The following KCNG4 variants were observed in gnomAD, a reference collection of about 807,000 sequenced individuals.
The protein encoded by KCNG4 is potassium voltage-gated channel modifier subfamily G member 4.
In KCNG4, 30 loss-of-function variants were observed where a neutral mutation model predicts 28.2. The ratio of observed to expected loss-of-function variants is 1.06; its 90% CI spans 0.80 to 1.44. The LOEUF is 1.44. KCNG4 is among the 40% of genes most tolerant of loss of function. KCNG4 has a pLI of 0.00. For synonymous variants in KCNG4, 375 were observed against 315.5 expected (o/e 1.19, Z -2.00); for missense variants, 879 against 712.3 (o/e 1.23, Z -2.66).
chr16:84,233,908 A>G (rs1225732835), intron 2 of KCNG4, among the ~76,000 whole-genome samples: 1 of 152,170 alleles, frequency 6.6e-6, no homozygotes, highest in Non-Finnish European at 1.5e-5. Flanking sequence ...GAGCTTAAGA[A>G]AGTGATAAAA....
rs762133249 is a variant in KCNG4, at chr16:84,222,411, T to C, written c.1366A>G (p.Thr456Ala). ...MAFPATSIFH[T>A]FSHSYLELKK... ...AGCTCCAGGTAGGAGTGGGAGAAGGTGTGGAAGATAGACGTGGCCGGGAAG... is the reference window on the plus strand; with the variant it reads ...AGCTCCAGGTAGGAGTGGGAGAAGGCGTGGAAGATAGACGTGGCCGGGAAG... Residue 456 changes from threonine (T) to alanine (A), a missense_variant, in exon 3 of 3, where the codon ACC becomes GCC. Transcript: ENST00000308251. The C allele has an allele frequency of 2.7e-5, 44 of 1,613,586 alleles. 1 individual carries two copies. The highest frequency in any genetic ancestry group is 1.6e-4 in the Middle Eastern group (1 of 6,084).
intron 2 of KCNG4, among the ~76,000 whole-genome samples, chr16:84,227,315 G>A (rs562627531): frequency 5.3e-5 from 8 of 152,326 alleles, no homozygotes; most frequent in African/African-American, 1.7e-4. Context: ...GGTGGCTCAC[G>A]CCTGTAATCC....
chr16:84,236,526 T>G, intron 2 of KCNG4: 1 of 721,544 alleles, frequency 1.4e-6, no homozygotes, highest in Non-Finnish European at 2.2e-6. Flanking sequence ...ACTTTTGCCT[T>G]TGCAGGACTC....
chr16:84,233,721 AAGAG>A (rs1055291677), intron 2 of KCNG4, among the ~76,000 whole-genome samples: 4 of 152,062 alleles, frequency 2.6e-5, no homozygotes, highest in African/African-American at 9.7e-5. Context: ...TAAAAAAAGA[AAGAG>A]AGAGAGAAAG....
intron 2 of KCNG4, among the ~76,000 whole-genome samples, 199 bp from the exon 3 acceptor site, chr16:84,223,219 T>G (rs1041156843): frequency 2.6e-5 from 4 of 152,152 alleles, no homozygotes; most frequent in African/African-American, 4.8e-5. Context: ...TGGCTTCCCT[T>G]GCCGCTAGGT....
chr16:84,232,264 G>A (rs1307486344), intron 2 of KCNG4, among the ~76,000 whole-genome samples: 2 of 152,190 alleles, frequency 1.3e-5, no homozygotes, highest in African/African-American at 4.8e-5. Flanking sequence ...AGGAATGAAG[G>A]TCTGACGCAT....
chr16:84,230,670 G>A (rs1904807411), intron 2 of KCNG4, among the ~76,000 whole-genome samples: 1 of 152,216 alleles, frequency 6.6e-6, no homozygotes, highest in Non-Finnish European at 1.5e-5. Flanking sequence ...TGAGAGGGAA[G>A]GCGAGGACCA....
At chr16:84,231,550 C>A (rs1371401364) in intron 2 of KCNG4, among the ~76,000 whole-genome samples, 3 of 152,126 alleles carry the variant, frequency 2.0e-5, no homozygotes, top group African/African-American at 7.2e-5. Context: ...TGGGAAACTG[C>A]AGCAAACAGA....
At chr16:84,228,923 C>CAT (rs1904761020) in intron 2 of KCNG4, among the ~76,000 whole-genome samples, 12 of 152,238 alleles carry the variant, frequency 7.9e-5, no homozygotes, top group Admixed American at 4.6e-4. Context: ...TGATCCATCA[C>CAT]CGGCTCTCCA....
Position 84,219,726 on chromosome 16 carries a change from CA to C in KCNG4, c.*2490del, listed in dbSNP as rs35729682. The C allele has an allele frequency of 0.084, 7,486 of 88,618 alleles. 233 individuals are homozygous for C. Among genetic ancestry groups the C allele is most frequent in the African/African-American group, 0.091 (1,995 of 22,044 alleles). 5.5% of individuals were successfully genotyped at this position (88,618 alleles called of 1,614,324 possible). On this transcript the variant is annotated 3_prime_UTR_variant, in exon 3 of 3. Coordinates refer to ENST00000308251, the MANE Select transcript of KCNG4 (RefSeq NM_172347.3). ...TGGGTGACAGAGGGAGACTCTGTCT[CA>C]AAAAAAAAAAAAAAAAAAATGTTAG...
At chr16:84,239,511 C>G (rs1264034756) in intron 1 of KCNG4, among the ~76,000 whole-genome samples, 159 bp downstream of exon 1, 1 of 152,208 alleles carries the variant, frequency 6.6e-6, no homozygotes, top group African/African-American at 2.4e-5. Context: ...TTGCCATCTA[C>G]GGCTCTCCAA....
intron 2 of KCNG4, among the ~76,000 whole-genome samples, chr16:84,225,479 G>C (rs1161021108): frequency 6.6e-6 from 1 of 152,188 alleles, no homozygotes; most frequent in Non-Finnish European, 1.5e-5. Context: ...CAAACCTTAG[G>C]GTGGGGCCCG....
rs762590506 is a variant in KCNG4 at position 84,237,347 on chromosome 16, C to A, written c.139G>T (p.Val47Leu). 1.9e-6 allele frequency: 3 copies of A among 1,568,084 alleles called. No individual in the cohort carries two copies. Among genetic ancestry groups the A allele is most frequent in the South Asian group, 2.4e-5 (2 of 82,516 alleles). Residue 47 changes from valine to leucine, a missense_variant, in exon 2 of 3, where the codon GTG becomes TTG. Physicochemically the swap from Val to Leu is conservative, Grantham distance 32. Coordinates refer to ENST00000308251, the MANE Select transcript of KCNG4 (RefSeq NM_172347.3). ...KGLYYRRVRK[V>L]GALDASPVDL... ...ACTGGGGAGGCGTCCAGGGCACCCACCTTCCGCACCCTCCGGTAGTAAAGG... is the reference window on the plus strand; with the variant it reads ...ACTGGGGAGGCGTCCAGGGCACCCAACTTCCGCACCCTCCGGTAGTAAAGG...
In KCNG4 at chr16:84,222,369, G is replaced by A. The variant is rs779809759; in HGVS notation, c.1408C>T (p.Gln470Ter). Residue 470 changes from glutamine to a stop codon, truncating the protein, a stop_gained, in exon 3 of 3, where the codon CAG becomes TAG. Coordinates refer to ENST00000308251, the MANE Select transcript of KCNG4 (RefSeq NM_172347.3). LOFTEE classifies it low-confidence loss of function (END_TRUNC). ...AGGTGGCGGAGGCGGGCCTGAAGCT[G>A]CTCCTGCTCCTTCTTGAGCTCCAGG... is the stretch of plus-strand genomic sequence containing the variant. ...SYLELKKEQE[Q>*]LQARLRHLQN... The A allele has an allele frequency of 3.7e-6, 6 of 1,614,046 alleles. No homozygotes were observed. The African/African-American group carries it at 5.3e-5, about 14-fold the overall frequency.
intron 1 of KCNG4, among the ~76,000 whole-genome samples, chr16:84,238,864 T>C (rs1905038590): frequency 6.6e-6 from 1 of 151,312 alleles, no homozygotes. Context: ...CGAGACTCCA[T>C]CTCAAAAAGA....
intron 2 of KCNG4, among the ~76,000 whole-genome samples, chr16:84,234,781 G>A (rs1459604555): frequency 6.6e-6 from 1 of 152,150 alleles, no homozygotes; most frequent in Non-Finnish European, 1.5e-5. Context: ...GACATTCCCT[G>A]AGGGCAAATA....
At position 84,237,464 on chromosome 16, in the gene KCNG4, C is replaced by T. The variant is rs35379218; in HGVS notation, c.22G>A (p.Gly8Arg). The T allele has an allele frequency of 8.7e-6, 13 of 1,497,818 alleles. No homozygotes were observed. Among genetic ancestry groups the T allele is most frequent in the South Asian group, 1.4e-5 (1 of 70,300 alleles). 92.8% of individuals were successfully genotyped at this position (1,497,818 alleles called of 1,614,324 possible). The change falls in exon 2 of 3, where the codon GGG (glycine) becomes AGG (arginine). Residue 8 changes from glycine (G) to arginine (R), a missense_variant. By Grantham distance (125) the Gly-to-Arg change is moderately radical (BLOSUM62 -2). Coordinates refer to ENST00000308251, the MANE Select transcript of KCNG4 (RefSeq NM_172347.3). ...TGGTGGTGTCTGGGATGCAGGCCCC[C>T]GTCTCTGGAAGGCATGGGCATTGCT... The part of the protein sequence containing the change: MPMPSRD[G>R]GLHPRHHHYG...
chr16:84,222,128 C>T lies in KCNG4; in HGVS notation c.*89G>A, dbSNP rs533819000. On this transcript the variant is annotated 3_prime_UTR_variant, in exon 3 of 3. Coordinates refer to ENST00000308251, the MANE Select transcript of KCNG4 (RefSeq NM_172347.3). Reference sequence around the variant, plus strand: ...AAGTCTTCCCTGGGCTCTAGAAACACCACCAGGTGGTCTATGCGGGGTACC... The same window carrying T: ...AAGTCTTCCCTGGGCTCTAGAAACATCACCAGGTGGTCTATGCGGGGTACC... 955 of 1,344,348 alleles carry T rather than the reference C, an allele frequency of 7.1e-4. 3 individuals are homozygous for T. The highest frequency in any genetic ancestry group is 1.4e-3 in the South Asian group (104 of 76,408). The allele number at this position is 1,344,348 out of a possible 1,614,324, so 83.3% of individuals were successfully genotyped here.
intron 2 of KCNG4, among the ~76,000 whole-genome samples, chr16:84,232,649 C>T (rs1436127146): frequency 1.3e-5 from 2 of 152,038 alleles, no homozygotes; most frequent in Non-Finnish European, 2.9e-5. Flanking sequence ...CCTATAATCC[C>T]AACGCTTTGG....
Sources: allele counts gnomAD v4.1 joint callset (sites outside exome capture counted in the v4.1 genomes callset), GRCh38; gene constraint gnomAD v4.1.1; transcripts MANE v1.5; gene names NCBI Gene and HGNC (gene_info 2026-07-23, HGNC 2026-07-21).